The following CNTNAP5 variants were observed in gnomAD, a reference collection of about 807,000 sequenced individuals.
The protein encoded by CNTNAP5 is contactin associated protein family member 5.
CNTNAP5 carries 72 observed loss-of-function variants against 150.2 expected under a neutral mutation model. The observed-to-expected ratio is 0.48, with a 90% CI of 0.40 to 0.58. CNTNAP5 has a LOEUF of 0.58. Among genes scored for constraint, CNTNAP5 ranks in the 20% least tolerant of loss-of-function variants. The probability of loss-of-function intolerance (pLI) is 0.00; values close to 1 mark genes in which losing one functional copy is unlikely to be tolerated. For missense variants in CNTNAP5, 1,636 were observed against 1,626.2 expected (o/e 1.01, Z -0.10); for synonymous variants, 672 against 619.8 (o/e 1.08, Z -1.25).
At chr2:124,807,685 C>T (rs147800471) in intron 19 of CNTNAP5, among the ~76,000 whole-genome samples, 2 of 152,126 alleles carry the variant, frequency 1.3e-5, no homozygotes, top group African/African-American at 4.8e-5. Flanking sequence ...TGTTCTCTGA[C>T]GTTTCATGGT....
chr2:124,270,038 G>C (rs144854539), intron 3 of CNTNAP5, among the ~76,000 whole-genome samples: 1 of 152,078 alleles, frequency 6.6e-6, no homozygotes, highest in Non-Finnish European at 1.5e-5. Flanking sequence ...CATGGGGACC[G>C]GGTGTGGTGG....
At chr2:124,218,585 C>T (rs1485115446) in intron 1 of CNTNAP5, among the ~76,000 whole-genome samples, 1 of 152,082 alleles carries the variant, frequency 6.6e-6, no homozygotes, top group Admixed American at 6.6e-5. Context: ...TAGCATAAAT[C>T]TATGGATTGA....
At chr2:124,897,355 T>C (rs1164242565) in intron 21 of CNTNAP5, among the ~76,000 whole-genome samples, 1 of 151,564 alleles carries the variant, frequency 6.6e-6, no homozygotes, top group African/African-American at 2.4e-5. Flanking sequence ...GCTAAATTAA[T>C]CCACCAATAT....
At chr2:124,535,733 C>T (rs534864309) in intron 10 of CNTNAP5, among the ~76,000 whole-genome samples, 8 of 151,974 alleles carry the variant, frequency 5.3e-5, no homozygotes, top group Admixed American at 2.6e-4. Context: ...GCCGAGATCG[C>T]GCCACTGCAC....
intron 1 of CNTNAP5, among the ~76,000 whole-genome samples, chr2:124,100,849 A>T (rs1683046702): frequency 1.3e-5 from 2 of 149,372 alleles, no homozygotes; most frequent in Admixed American, 6.7e-5. Context: ...TGGGCAAAAA[A>T]GTGAGACTCT....
At chr2:124,240,950 C>T (rs951337145) in intron 2 of CNTNAP5, among the ~76,000 whole-genome samples, 1 of 152,046 alleles carries the variant, frequency 6.6e-6, no homozygotes, top group Non-Finnish European at 1.5e-5. Flanking sequence ...ACTGAAACAT[C>T]GCTAAAATGA....
rs887660406 is a variant in CNTNAP5, at chr2:124,025,548, G to A, written c.-103G>A. On this transcript the variant is annotated 5_prime_UTR_variant, in exon 1 of 24. Transcript: ENST00000682447. ...GCGAGTGCCTCTCCAAGCGGGGGTG[G>A]GAGGGGGTCAGGCTGTGCAGAGGAG... The A allele has an allele frequency of 2.1e-6, 2 of 965,660 alleles. No individual in the cohort carries two copies. The highest frequency in any genetic ancestry group is 3.3e-6 in the Non-Finnish European group (2 of 602,900). 59.8% of individuals were successfully genotyped at this position (965,660 alleles called of 1,614,324 possible). A position where few individuals can be genotyped will look rare whatever the true frequency, so the allele number is the denominator to read the frequency against.
intron 13 of CNTNAP5, among the ~76,000 whole-genome samples, chr2:124,740,713 A>T (rs990065555): frequency 1.3e-5 from 2 of 152,322 alleles, no homozygotes; most frequent in African/African-American, 4.8e-5. Context: ...ATGCTATATA[A>T]CCAGTTGCCA....
chr2:124,692,923 C>T (rs1406989819), intron 13 of CNTNAP5, among the ~76,000 whole-genome samples: 1 of 152,082 alleles, frequency 6.6e-6, no homozygotes, highest in African/African-American at 2.4e-5. Context: ...TAACTCCCTC[C>T]CAGCTTGTGA....
intron 3 of CNTNAP5, among the ~76,000 whole-genome samples, chr2:124,371,932 A>C (rs1690537996): frequency 6.6e-6 from 1 of 152,020 alleles, no homozygotes; most frequent in South Asian, 2.1e-4. Context: ...GACTCGATTG[A>C]GGGATGGCTA....
chr2:124,848,690 A>T (rs1280781595), intron 19 of CNTNAP5, among the ~76,000 whole-genome samples: 1 of 152,140 alleles, frequency 6.6e-6, no homozygotes. Context: ...GATAATAACC[A>T]TCCTAACAGG....
chr2:124,238,665 C>T (rs1223303484), intron 2 of CNTNAP5, among the ~76,000 whole-genome samples: 1 of 152,094 alleles, frequency 6.6e-6, no homozygotes, highest in East Asian at 1.9e-4. Context: ...GATACATCAG[C>T]CAAAATTACA....
intron 19 of CNTNAP5, among the ~76,000 whole-genome samples, chr2:124,800,063 A>T (rs1465609254): frequency 6.6e-6 from 1 of 152,202 alleles, no homozygotes; most frequent in Non-Finnish European, 1.5e-5. Flanking sequence ...CTGACTGAGG[A>T]CACTGAGGCA....
At chr2:124,602,233 T>G (rs1056349456) in intron 11 of CNTNAP5, among the ~76,000 whole-genome samples, 3 of 149,252 alleles carry the variant, frequency 2.0e-5, no homozygotes, top group Non-Finnish European at 4.4e-5. Flanking sequence ...TCCCAGCTAC[T>G]CGGGAGGCTG....
chr2:124,100,885 A>AAAAAG (rs1683048099), intron 1 of CNTNAP5, among the ~76,000 whole-genome samples: 2 of 146,642 alleles, frequency 1.4e-5, no homozygotes, highest in South Asian at 2.2e-4. Context: ...AAAAAAAAAA[A>AAAAAG]GAATAAGATA....
chr2:124,744,514 G>C (rs74745143), intron 13 of CNTNAP5, among the ~76,000 whole-genome samples: 3,615 of 152,072 alleles, frequency 0.024, 147 homozygotes, highest in African/African-American at 0.084. Context: ...ACCATGTAAC[G>C]AGCAGGAGGG....
In CNTNAP5 at chr2:124,169,981, C is replaced by T. The variant is rs145726812; in HGVS notation, c.83-51724C>T. Among the ~76,000 whole-genome samples the T allele has an allele frequency of 2.0e-3, 307 of 152,264 alleles. 1 individual carries two copies. The highest frequency in any genetic ancestry group is 3.3e-3 in the Non-Finnish European group (224 of 68,030). On this transcript the variant is annotated intron_variant, in intron 1 of 23. Transcript: ENST00000682447. ...TGTGGGAAAAGAAAATGGGTAAAGACCAGGAGTAGCCTCAGTATAGACTGC... is the reference window on the plus strand; with the variant it reads ...TGTGGGAAAAGAAAATGGGTAAAGATCAGGAGTAGCCTCAGTATAGACTGC...
chr2:124,509,900 T>A (rs1014437338), intron 8 of CNTNAP5, among the ~76,000 whole-genome samples: 7 of 152,170 alleles, frequency 4.6e-5, no homozygotes, highest in Admixed American at 4.6e-4. Context: ...CTGTTGTCTT[T>A]ATAAACTTCT....
At chr2:124,665,584 G>C (rs2105050437) in intron 13 of CNTNAP5, among the ~76,000 whole-genome samples, 1 of 152,194 alleles carries the variant, frequency 6.6e-6, no homozygotes, top group African/African-American at 2.4e-5. Context: ...TATATATGTT[G>C]ATGTGTAGCT....
Sources: allele counts gnomAD v4.1 joint callset (sites outside exome capture counted in the v4.1 genomes callset), GRCh38; gene constraint gnomAD v4.1.1; transcripts MANE v1.5; gene names NCBI Gene and HGNC (gene_info 2026-07-23, HGNC 2026-07-21).